BPIFB4: variants seen among roughly 807,000 people sequenced by gnomAD.
The protein encoded by BPIFB4 is BPI fold containing family B member 4, also known as BPI fold-containing family B member 4.
BPIFB4 carries 62 observed loss-of-function variants against 69.2 expected under a neutral mutation model. The observed-to-expected ratio is 0.90, with a 90% CI of 0.73 to 1.11. The LOEUF is 1.11. Among genes scored for constraint, BPIFB4 ranks in the 50% least tolerant of loss-of-function variants. The probability of loss-of-function intolerance (pLI) is 0.00; values close to 1 mark genes in which losing one functional copy is unlikely to be tolerated. For synonymous variants in BPIFB4, 330 were observed against 332.7 expected (o/e 0.99, Z 0.09); for missense variants, 789 against 792.0 (o/e 1.00, Z 0.04).
intron 13 of BPIFB4, among the ~76,000 whole-genome samples, chr20:33,099,784 C>T (rs766571789): frequency 1.3e-5 from 2 of 152,190 alleles, no homozygotes; most frequent in Non-Finnish European, 2.9e-5. Flanking sequence ...GGCCAGTCAT[C>T]GTGGTCATTG....
At chr20:33,088,129 C>T (rs1362236284) in intron 7 of BPIFB4, among the ~76,000 whole-genome samples, 1 of 152,022 alleles carries the variant, frequency 6.6e-6, no homozygotes, top group Non-Finnish European at 1.5e-5. Context: ...TCTGTCTGCC[C>T]ATCTATACAT....
Position 33,111,451 on chromosome 20 carries a change from A to G in BPIFB4, c.*14A>G, listed in dbSNP as rs760872610. ...CTGAGCGCATGAGTGACAGAGGCAGAGATGCTGCTGCAACTGGAAGAAGCT... is the reference window on the plus strand; with the variant it reads ...CTGAGCGCATGAGTGACAGAGGCAGGGATGCTGCTGCAACTGGAAGAAGCT... On this transcript the variant is annotated 3_prime_UTR_variant, in exon 18 of 18. Coordinates refer to ENST00000375483, the MANE Select transcript of BPIFB4 (RefSeq NM_182519.3). 6.2e-7 allele frequency: 1 copy of G among 1,614,020 alleles called. No homozygotes were observed. The highest frequency in any genetic ancestry group is 8.5e-7 in the Non-Finnish European group (1 of 1,179,938).
chr20:33,107,770 C>T lies in BPIFB4; in HGVS notation c.1771C>T (p.Pro591Ser). 6.2e-7 allele frequency: 1 copy of T among 1,614,172 alleles called. No homozygotes were observed. The highest frequency in any genetic ancestry group is 2.2e-5 in the East Asian group (1 of 44,882). Residue 591 changes from proline to serine, a missense_variant, in exon 17 of 18, where the codon CCC (proline) becomes TCC (serine). This residue lies in a region of BPIFB4 where 170 missense variants were observed against 193.6 expected (regional missense o/e 0.88). Transcript: ENST00000375483. ...NAVLGSGVPL[P>S]KILNIDFSNA... ...TGTGCTGGGTTCTGGCGTCCCTCTC[C>T]CCAAAATCCTCAACATCGACTTTAG...
intron 11 of BPIFB4, among the ~76,000 whole-genome samples, chr20:33,093,876 A>C (rs1425464360): frequency 6.6e-6 from 1 of 152,064 alleles, no homozygotes; most frequent in East Asian, 1.9e-4. Flanking sequence ...CAATCCATCC[A>C]TCCATTTATA....
chr20:33,107,257 G>GAA (rs1555787111), intron 16 of BPIFB4, among the ~76,000 whole-genome samples: 10 of 142,920 alleles, frequency 7.0e-5, no homozygotes, highest in African/African-American at 2.1e-4. Context: ...GAAAAGAAAA[G>GAA]AAGAGAAAAG....
intron 16 of BPIFB4, among the ~76,000 whole-genome samples, chr20:33,106,011 C>T (rs751193758): frequency 2.0e-5 from 3 of 152,134 alleles, no homozygotes; most frequent in Non-Finnish European, 2.9e-5. Context: ...CTGCAAAAAG[C>T]GTTCCATGGC....
At position 33,104,810 on chromosome 20, in the gene BPIFB4, A is replaced by T; in HGVS notation, c.1681A>T (p.Ile561Phe). ...LRTSNVGNFD[I>F]GLMEVLVEKI... ...CTCTGTCCTCCTTCTTCCTCTGCAG[A>T]TTGGCCTCATGGAGGTGCTGGTGGA... Residue 561 changes from isoleucine (I) to phenylalanine (F), a missense_variant and splice_region_variant, in exon 16 of 18, where the codon ATT becomes TTT. Ile to Phe is a conservative substitution (Grantham distance 21). This residue lies in a region of BPIFB4 where 170 missense variants were observed against 193.6 expected (regional missense o/e 0.88). Transcript: ENST00000375483. 1 of 1,613,950 alleles carries T rather than the reference A, an allele frequency of 6.2e-7. No individual in the cohort carries two copies. The highest frequency in any genetic ancestry group is 8.5e-7 in the Non-Finnish European group (1 of 1,179,920).
At chr20:33,086,247 C>T (rs906003483) in intron 7 of BPIFB4, 83 bp downstream of exon 7, 3 of 1,515,530 alleles carry the variant, frequency 2.0e-6, no homozygotes, top group Non-Finnish European at 2.7e-6. Flanking sequence ...CACCCACCTG[C>T]CCATAGGCTC....
In BPIFB4 at chr20:33,092,434, C is replaced by A; in HGVS notation, c.1144-24C>A. 5 of 1,592,182 alleles carry A rather than the reference C, an allele frequency of 3.1e-6. No individual in the cohort carries two copies. The South Asian group carries it at 4.4e-5, about 14-fold the overall frequency. On this transcript the variant is annotated intron_variant, in intron 10 of 17. Transcript: ENST00000375483. Reference sequence around the variant, plus strand: ...CTTTCCATCTTCTCCCTCCCTGTGACCCCTTTCTTCTCTTCTCCCCCAGAC... The same window carrying A: ...CTTTCCATCTTCTCCCTCCCTGTGAACCCTTTCTTCTCTTCTCCCCCAGAC...
intron 15 of BPIFB4, among the ~76,000 whole-genome samples, chr20:33,103,786 G>C (rs766360675): frequency 6.6e-6 from 1 of 152,168 alleles, no homozygotes; most frequent in Non-Finnish European, 1.5e-5. Flanking sequence ...CTGTGAAGCC[G>C]ATCTTGCCAG....
At chr20:33,082,689 G>A (rs1416453440) in intron 3 of BPIFB4, among the ~76,000 whole-genome samples, 1 of 152,186 alleles carries the variant, frequency 6.6e-6, no homozygotes, top group Non-Finnish European at 1.5e-5. Context: ...GGGCGATGAA[G>A]AAAATCCATG....
intron 3 of BPIFB4, 86 bp from the exon 4 acceptor site, chr20:33,082,852 G>C (rs1981274766): frequency 7.6e-7 from 1 of 1,321,934 alleles, no homozygotes; most frequent in South Asian, 1.2e-5. Context: ...GGCCCAGGGA[G>C]CTGAGCAACA....
intron 16 of BPIFB4, among the ~76,000 whole-genome samples, chr20:33,106,068 A>G (rs1225855878): frequency 6.6e-6 from 1 of 152,220 alleles, no homozygotes; most frequent in Non-Finnish European, 1.5e-5. Flanking sequence ...GGGTAGATTC[A>G]CAATGTCCTT....
chr20:33,107,381 T>G (rs1367886357), intron 16 of BPIFB4, among the ~76,000 whole-genome samples: 2 of 152,086 alleles, frequency 1.3e-5, no homozygotes, highest in Non-Finnish European at 2.9e-5. Context: ...TCATCTGAGG[T>G]CAGGAGTTCA....
chr20:33,083,456 T>A lies in BPIFB4; in HGVS notation c.259T>A (p.Tyr87Asn). 1 of 1,613,640 alleles carries A rather than the reference T, an allele frequency of 6.2e-7. No individual in the cohort carries two copies. Among genetic ancestry groups the A allele is most frequent in the Non-Finnish European group, 8.5e-7 (1 of 1,179,840 alleles). ...CAAAAAACTTGATGGTATTTACCAG[T>A]ATGGTCACATTGAGACCAACGACAA... Reference protein sequence around the residue: ...NGKKLDGIYQYGHIETNDNTA... With the variant: ...NGKKLDGIYQNGHIETNDNTA... Residue 87 changes from tyrosine (Y) to asparagine (N), a missense_variant, in exon 5 of 18, where the codon TAT (tyrosine) becomes AAT (asparagine). Coordinates refer to ENST00000375483, the MANE Select transcript of BPIFB4 (RefSeq NM_182519.3).
intron 5 of BPIFB4, 76 bp from the exon 6 acceptor site, chr20:33,084,816 G>A (rs1981368063): frequency 2.6e-6 from 4 of 1,540,332 alleles, no homozygotes; most frequent in South Asian, 2.4e-5. Context: ...GAGAAAGGGG[G>A]TGTAGGGGAG....
rs76983670 is a variant in BPIFB4, at chr20:33,095,213, C to G, written c.1398+60C>G. The G allele has an allele frequency of 3.0e-3, 4,578 of 1,508,126 alleles. 115 individuals are homozygous for G. The African/African-American group carries it at 0.055, about 18-fold the overall frequency. 93.4% of individuals were successfully genotyped at this position (1,508,126 alleles called of 1,614,324 possible). A position where few individuals can be genotyped will look rare whatever the true frequency, so the allele number is the denominator to read the frequency against. ...CTCATTCTCTATCTTGTTTGAGAAA[C>G]TGGATTGGAAGGGAAGATGCTCAGC... On this transcript the variant is annotated intron_variant, in intron 12 of 17. Transcript: ENST00000375483.
intron 10 of BPIFB4, among the ~76,000 whole-genome samples, chr20:33,091,776 G>C (rs953757677): frequency 5.3e-5 from 8 of 152,226 alleles, no homozygotes; most frequent in South Asian, 2.1e-4. Flanking sequence ...TGTTTTGGAG[G>C]GGACAGGCCA....
chr20:33,085,505 G>A (rs1569000701), intron 6 of BPIFB4, among the ~76,000 whole-genome samples: 1 of 152,194 alleles, frequency 6.6e-6, no homozygotes, highest in Non-Finnish European at 1.5e-5. Context: ...GTGACAGCTT[G>A]GGTTCAAATC....
Sources: gnomAD v4.1 joint callset for allele counts (sites outside exome capture counted in the v4.1 genomes callset) on GRCh38, gnomAD v4.1.1 for gene constraint, gnomAD v4.1.1 regional missense constraint, MANE v1.5 for transcripts, NCBI Gene and HGNC (gene_info 2026-07-23, HGNC 2026-07-21) for gene names.